Variants in DENND1A observed in about 807,000 individuals in gnomAD.
DENND1A encodes DENN domain-containing protein 1A.
A neutral mutation model predicts 113.7 loss-of-function variants in DENND1A; 51 were observed. The observed-to-expected ratio is 0.45, with a 90% CI of 0.36 to 0.57. The LOEUF (loss-of-function observed/expected upper bound fraction) is 0.57, where lower values mean the gene tolerates loss of function less well. Ranked by LOEUF, DENND1A falls within the 20% of genes least tolerant of loss-of-function variation. DENND1A has a pLI of 0.00. For synonymous variants in DENND1A, 565 were observed against 570.8 expected (o/e 0.99, Z 0.14); for missense variants, 1,258 against 1,395.9 (o/e 0.90, Z 1.57).
intron 2 of DENND1A, among the ~76,000 whole-genome samples, chr9:123,867,832 C>A (rs972340320): frequency 6.6e-6 from 1 of 152,108 alleles, no homozygotes; most frequent in Non-Finnish European, 1.5e-5. Flanking sequence ...CTAGAGTCAG[C>A]CTTGGGACTA....
At chr9:123,888,965 T>A (rs1256806766) in intron 1 of DENND1A, among the ~76,000 whole-genome samples, 1 of 140,824 alleles carries the variant, frequency 7.1e-6, no homozygotes, top group Non-Finnish European at 1.6e-5. Context: ...ACTGTGTGTG[T>A]GTGTGTGTGT....
intron 16 of DENND1A, among the ~76,000 whole-genome samples, chr9:123,453,532 G>A (rs529286261): frequency 1.1e-4 from 16 of 152,304 alleles, no homozygotes; most frequent in Admixed American, 4.6e-4. Flanking sequence ...GGGCCAGCTC[G>A]TGAAGGGCCC....
chr9:123,495,836 T>C (rs1201239151), intron 13 of DENND1A, among the ~76,000 whole-genome samples: 1 of 152,262 alleles, frequency 6.6e-6, no homozygotes, highest in East Asian at 1.9e-4. Flanking sequence ...ATGGCCCCAA[T>C]AAGGGCACCA....
At chr9:123,661,776 A>G (rs1267216516) in intron 8 of DENND1A, among the ~76,000 whole-genome samples, 1 of 152,242 alleles carries the variant, frequency 6.6e-6, no homozygotes, top group Non-Finnish European at 1.5e-5. Context: ...CTCACAGATG[A>G]GTGAAAATAT....
At chr9:123,571,682 GTTTA>G (rs1589184425) in intron 12 of DENND1A, among the ~76,000 whole-genome samples, 1 of 75,930 alleles carries the variant, frequency 1.3e-5, no homozygotes, top group African/African-American at 6.8e-5. Context: ...ATAATACATT[GTTTA>G]TTTATCCATC....
At chr9:123,625,141 C>T (rs972555800) in intron 10 of DENND1A, among the ~76,000 whole-genome samples, 3 of 152,102 alleles carry the variant, frequency 2.0e-5, no homozygotes, top group Admixed American at 6.6e-5. Flanking sequence ...CCATATAATT[C>T]TCTTAATAAA....
At chr9:123,383,397 G>A (rs1052810124) in intron 23 of DENND1A, among the ~76,000 whole-genome samples, 9 of 152,060 alleles carry the variant, frequency 5.9e-5, no homozygotes, top group Non-Finnish European at 1.2e-4. Flanking sequence ...GGCAGCACCC[G>A]CCCCCCCGTC....
chr9:123,711,754 C>T (rs1032533755), intron 5 of DENND1A, among the ~76,000 whole-genome samples: 3 of 151,960 alleles, frequency 2.0e-5, no homozygotes, highest in Admixed American at 6.6e-5. Flanking sequence ...TTACCAAACC[C>T]GCCCTGCCTC....
chr9:123,725,204 T>C (rs1589820295), intron 5 of DENND1A, among the ~76,000 whole-genome samples: 1 of 152,366 alleles, frequency 6.6e-6, no homozygotes, highest in East Asian at 1.9e-4. Flanking sequence ...GTGACCCTCA[T>C]TATATTTTTC....
At chr9:123,624,853 T>C (rs1411471950) in intron 10 of DENND1A, among the ~76,000 whole-genome samples, 1 of 152,114 alleles carries the variant, frequency 6.6e-6, no homozygotes, top group Admixed American at 6.5e-5. Flanking sequence ...AAACATCTAA[T>C]GTATCTCCAA....
At chr9:123,546,917 C>T (rs984094376) in intron 13 of DENND1A, among the ~76,000 whole-genome samples, 1 of 152,196 alleles carries the variant, frequency 6.6e-6, no homozygotes, top group African/African-American at 2.4e-5. Flanking sequence ...TTCAGTTATG[C>T]TCTTTGAAAT....
intron 9 of DENND1A, among the ~76,000 whole-genome samples, chr9:123,647,461 C>T (rs765940169): frequency 2.0e-5 from 3 of 152,226 alleles, no homozygotes; most frequent in South Asian, 4.1e-4. Context: ...GTTAGTTCCT[C>T]ACCTGGCTTA....
At chr9:123,776,895 A>G (rs1830555812) in intron 3 of DENND1A, among the ~76,000 whole-genome samples, 1 of 152,242 alleles carries the variant, frequency 6.6e-6, no homozygotes. Flanking sequence ...CGCTACATAA[A>G]TATTCAGAAG....
chr9:123,868,555 T>C (rs1288424237), intron 2 of DENND1A, among the ~76,000 whole-genome samples: 1 of 152,206 alleles, frequency 6.6e-6, no homozygotes, highest in Non-Finnish European at 1.5e-5. Context: ...GAGATTGGCA[T>C]GTGGAGGGAA....
chr9:123,613,268 A>T (rs2060497761), intron 10 of DENND1A, among the ~76,000 whole-genome samples: 1 of 152,184 alleles, frequency 6.6e-6, no homozygotes, highest in Non-Finnish European at 1.5e-5. Context: ...ACTTGGACAC[A>T]TTTTTAAAAA....
intron 2 of DENND1A, among the ~76,000 whole-genome samples, chr9:123,819,874 T>C (rs948046399): frequency 6.6e-6 from 1 of 152,220 alleles, no homozygotes; most frequent in Non-Finnish European, 1.5e-5. Flanking sequence ...CTTTTACTTT[T>C]CTGAATTTTA....
intron 11 of DENND1A, among the ~76,000 whole-genome samples, chr9:123,604,344 C>T (rs1026611196): frequency 6.6e-6 from 1 of 152,210 alleles, no homozygotes; most frequent in Non-Finnish European, 1.5e-5. Flanking sequence ...TCTCTCCTCC[C>T]AGAGCCTACA....
At chr9:123,707,959 G>T (rs2066337446) in intron 5 of DENND1A, among the ~76,000 whole-genome samples, 1 of 152,162 alleles carries the variant, frequency 6.6e-6, no homozygotes, top group Non-Finnish European at 1.5e-5. Flanking sequence ...GACGAAAGGG[G>T]ATGGAATCTA....
chr9:123,560,329 C>G (rs1321327895), intron 12 of DENND1A, among the ~76,000 whole-genome samples: 1 of 152,312 alleles, frequency 6.6e-6, no homozygotes, highest in Non-Finnish European at 1.5e-5. Context: ...TACAGGAAAA[C>G]AATCCTTTGC....
Sources: gnomAD v4.1 joint callset for allele counts (sites outside exome capture counted in the v4.1 genomes callset) on GRCh38, gnomAD v4.1.1 for gene constraint, MANE v1.5 for transcripts, NCBI Gene and HGNC (gene_info 2026-07-23, HGNC 2026-07-21) for gene names.